The following VPS41 variants were observed in gnomAD, a reference collection of about 807,000 sequenced individuals.
The protein encoded by VPS41 is vacuolar protein sorting-associated protein 41 homolog.
In VPS41, 85 loss-of-function variants were observed where a neutral mutation model predicts 130.9. That is an observed-to-expected ratio of 0.65 (90% CI 0.55 to 0.78). The LOEUF (loss-of-function observed/expected upper bound fraction) is 0.78, where lower values mean the gene tolerates loss of function less well. Among genes scored for constraint, VPS41 ranks in the 30% least tolerant of loss-of-function variants. The pLI, the probability that VPS41 is intolerant of heterozygous loss-of-function variation, is 0.00. For missense variants in VPS41, 874 were observed against 1,018.7 expected (o/e 0.86, Z 1.93); for synonymous variants, 335 against 332.9 (o/e 1.01, Z -0.07).
At chr7:38,877,612 T>C (rs945644807) in intron 2 of VPS41, among the ~76,000 whole-genome samples, 2 of 152,168 alleles carry the variant, frequency 1.3e-5, no homozygotes, top group Admixed American at 1.3e-4. Context: ...GCATTTCCAA[T>C]TGCACATTCC....
chr7:38,825,687 T>C (rs1282601949), intron 5 of VPS41, among the ~76,000 whole-genome samples: 2 of 152,116 alleles, frequency 1.3e-5, no homozygotes, highest in Non-Finnish European at 2.9e-5. Context: ...CAATGAGCCA[T>C]AGAACCAAGC....
chr7:38,784,633 C>T (rs913196858), intron 10 of VPS41, among the ~76,000 whole-genome samples: 23 of 128,140 alleles, frequency 1.8e-4, no homozygotes, highest in African/African-American at 5.5e-4. Flanking sequence ...GACCCTATAT[C>T]GAAAGAAGGA....
rs184053162 is a variant in VPS41, at chr7:38,738,995, C to T, written c.2259+2990G>A. Among the ~76,000 whole-genome samples the T allele has an allele frequency of 3.7e-4, 56 of 152,314 alleles. No homozygotes were observed. The Middle Eastern group carries it at 0.014, about 37-fold the overall frequency. ...CTAAAAGCAGAAGAGTTACTCATTTCAAGTTTTTCCCACAACATTCTCTAA... is the reference window on the plus strand; with the variant it reads ...CTAAAAGCAGAAGAGTTACTCATTTTAAGTTTTTCCCACAACATTCTCTAA... On this transcript the variant is annotated intron_variant, in intron 25 of 28. Coordinates refer to ENST00000310301, the MANE Select transcript of VPS41 (RefSeq NM_014396.4).
At chr7:38,743,122 T>C (rs184458434) in intron 24 of VPS41, among the ~76,000 whole-genome samples, 39 of 152,310 alleles carry the variant, frequency 2.6e-4, no homozygotes, top group Admixed American at 1.2e-3. Context: ...TTTATTCAAT[T>C]TGCTTGCAGC....
chr7:38,726,271 C>T lies in VPS41; in HGVS notation c.2540G>A (p.Ser847Asn). The T allele has an allele frequency of 6.2e-7, 1 of 1,613,932 alleles. No individual in the cohort carries two copies. Among genetic ancestry groups the T allele is most frequent in the Non-Finnish European group, 8.5e-7 (1 of 1,179,836 alleles). Residue 847 changes from serine (S) to asparagine (N), a missense_variant, in exon 29 of 29, where the codon AGT becomes AAT. By Grantham distance (46) the Ser-to-Asn change is conservative (BLOSUM62 1). Transcript: ENST00000310301. Reference protein sequence around the residue: ...ICSAKNRGPGSAILEMKK With the variant: ...ICSAKNRGPGNAILEMKK Reference sequence around the variant, plus strand: ...CTATTTTTTCATCTCCAAAATTGCACTTCCTGGTCCACGGTTCTTAGCACT... The same window carrying T: ...CTATTTTTTCATCTCCAAAATTGCATTTCCTGGTCCACGGTTCTTAGCACT...
At chr7:38,772,893 A>C (rs1784181933) in intron 12 of VPS41, among the ~76,000 whole-genome samples, 1 of 152,124 alleles carries the variant, frequency 6.6e-6, no homozygotes, top group Admixed American at 6.6e-5. Context: ...GGAGAAGGAC[A>C]GAAAGGGAGG....
chr7:38,871,304 C>T (rs1296322385), intron 2 of VPS41, among the ~76,000 whole-genome samples: 2 of 152,184 alleles, frequency 1.3e-5, no homozygotes, highest in African/African-American at 4.8e-5. Context: ...ACACACTAGG[C>T]AGAGACTGCA....
At chr7:38,846,827 A>G (rs1562608078) in intron 4 of VPS41, among the ~76,000 whole-genome samples, 1 of 152,202 alleles carries the variant, frequency 6.6e-6, no homozygotes, top group Non-Finnish European at 1.5e-5. Flanking sequence ...AAGAGGATAT[A>G]CGGGGAATAA....
chr7:38,869,816 G>C (rs545544601), intron 2 of VPS41, among the ~76,000 whole-genome samples: 2 of 152,060 alleles, frequency 1.3e-5, no homozygotes, highest in Non-Finnish European at 2.9e-5. Flanking sequence ...GGTTTGTAGA[G>C]TCAAAAAACC....
intron 9 of VPS41, among the ~76,000 whole-genome samples, chr7:38,791,115 T>A (rs2115953645): frequency 6.6e-6 from 1 of 152,320 alleles, no homozygotes; most frequent in Admixed American, 6.5e-5. Flanking sequence ...AGTGACCGGC[T>A]GTCTTCTTCC....
intron 25 of VPS41, among the ~76,000 whole-genome samples, chr7:38,732,045 T>C (rs1465905319): frequency 6.6e-6 from 1 of 152,128 alleles, no homozygotes; most frequent in African/African-American, 2.4e-5. Context: ...ACATCAAGCC[T>C]GGGAAAGCAG....
At chr7:38,810,968 A>G (rs576835745) in intron 7 of VPS41, among the ~76,000 whole-genome samples, 2 of 152,250 alleles carry the variant, frequency 1.3e-5, no homozygotes, top group African/African-American at 2.4e-5. Flanking sequence ...TACTGAGCCA[A>G]TGTAGTTATC....
At chr7:38,867,601 T>C (rs570891169) in intron 3 of VPS41, among the ~76,000 whole-genome samples, 2 of 151,624 alleles carry the variant, frequency 1.3e-5, no homozygotes, top group Non-Finnish European at 2.9e-5. Context: ...TGGGTAAGAA[T>C]GGGTGTGAAA....
chr7:38,857,961 G>T (rs1413757876), intron 4 of VPS41, among the ~76,000 whole-genome samples: 1 of 152,198 alleles, frequency 6.6e-6, no homozygotes, highest in Non-Finnish European at 1.5e-5. Flanking sequence ...ACTGGCAACT[G>T]GTTGAAAGAG....
chr7:38,754,703 A>G lies in VPS41; in HGVS notation c.1787T>C (p.Val596Ala), dbSNP rs759421277. The change falls in exon 21 of 29, where the codon GTG becomes GCG. Residue 596 changes from valine (V) to alanine (A), a missense_variant and splice_region_variant. Physicochemically the swap from Val to Ala is moderately conservative, Grantham distance 64. Transcript: ENST00000310301. ...AAAGGAGGAGACTGCCATGCTCACC[A>G]CATGCTGTAGCTCTGGTCTGTCTTC... ...ELEDRPELQH[V>A]YLHKLFKRDH... The G allele has an allele frequency of 6.2e-7, 1 of 1,613,410 alleles. No individual in the cohort carries two copies.
At position 38,758,492 on chromosome 7, in the gene VPS41, G is replaced by A; in HGVS notation, c.1423-11C>T. The A allele has an allele frequency of 6.3e-7, 1 of 1,599,558 alleles. No homozygotes were observed. On this transcript the variant is annotated splice_polypyrimidine_tract_variant and intron_variant, in intron 17 of 28. Coordinates refer to ENST00000310301, the MANE Select transcript of VPS41 (RefSeq NM_014396.4). The stretch of plus-strand genomic sequence containing the variant: ...CAATGTGGCAAAACCCTAACCAAAG[G>A]TGAAAAACAGAAAAAGAACACTCAT...
chr7:38,836,219 T>C (rs1220282241), intron 4 of VPS41, among the ~76,000 whole-genome samples: 1 of 152,076 alleles, frequency 6.6e-6, no homozygotes, highest in Non-Finnish European at 1.5e-5. Context: ...ATCCAACAAT[T>C]AGATGCTGTT....
chr7:38,799,121 C>T (rs1190563892), intron 7 of VPS41, among the ~76,000 whole-genome samples: 1 of 152,070 alleles, frequency 6.6e-6, no homozygotes, highest in African/African-American at 2.4e-5. Context: ...AAAGCAGGCA[C>T]TCTGACAAAA....
rs770404734 is a variant in VPS41, at chr7:38,817,870, G to A, written c.397C>T (p.His133Tyr). 72 of 1,613,856 alleles carry A rather than the reference G, an allele frequency of 4.5e-5. No homozygotes were observed. Among genetic ancestry groups the A allele is most frequent in the Admixed American group, 1.0e-4 (6 of 59,994 alleles). Reference protein sequence around the residue: ...FDCPIKIIAVHPHFVRSSCKQ... With the variant: ...FDCPIKIIAVYPHFVRSSCKQ... ...CAACTGGATCTCACGAAATGTGGGT[G>A]CACAGCAATAATCTACAAGAGAAAC... is the stretch of plus-strand genomic sequence containing the variant. The change falls in exon 7 of 29, where the codon CAC becomes TAC. Residue 133 changes from histidine to tyrosine, a missense_variant. Transcript: ENST00000310301.
Sources: gnomAD v4.1 joint callset for allele counts (sites outside exome capture counted in the v4.1 genomes callset) on GRCh38, gnomAD v4.1.1 for gene constraint, MANE v1.5 for transcripts, NCBI Gene and HGNC (gene_info 2026-07-23, HGNC 2026-07-21) for gene names.